The following TBC1D22A variants were observed in gnomAD, a reference collection of about 807,000 sequenced individuals.
The protein encoded by TBC1D22A is putative GTPase activator.
TBC1D22A carries 38 observed loss-of-function variants against 60.2 expected under a neutral mutation model. The observed-to-expected ratio is 0.63, with a 90% CI of 0.49 to 0.83. TBC1D22A has a LOEUF of 0.83. Among genes scored for constraint, TBC1D22A ranks in the 40% least tolerant of loss-of-function variants. The pLI, the probability that TBC1D22A is intolerant of heterozygous loss-of-function variation, is 0.00. For synonymous variants in TBC1D22A, 302 were observed against 281.7 expected (o/e 1.07, Z -0.72); for missense variants, 628 against 701.0 (o/e 0.90, Z 1.18).
At chr22:46,852,174 G>C (rs1275544091) in intron 4 of TBC1D22A, among the ~76,000 whole-genome samples, 6 of 152,228 alleles carry the variant, frequency 3.9e-5, no homozygotes, top group Admixed American at 3.9e-4. Context: ...CAGTGGCCTT[G>C]TATCTGTGTA....
At chr22:46,836,550 G>T (rs574425239) in intron 4 of TBC1D22A, among the ~76,000 whole-genome samples, 1 of 150,218 alleles carries the variant, frequency 6.7e-6, no homozygotes, top group East Asian at 1.9e-4. Context: ...AACAGAAGAC[G>T]GCAAGAGAGG....
intron 8 of TBC1D22A, among the ~76,000 whole-genome samples, chr22:46,935,376 A>G (rs1028051939): frequency 9.9e-5 from 15 of 152,230 alleles, no homozygotes; most frequent in African/African-American, 3.6e-4. Flanking sequence ...TGAGTCAAAA[A>G]AATTATAATC....
chr22:46,899,541 A>T (rs6009037), intron 7 of TBC1D22A, among the ~76,000 whole-genome samples: 17,214 of 152,144 alleles, frequency 0.11, 1,605 homozygotes, highest in African/African-American at 0.26. Flanking sequence ...ATTTCAATAC[A>T]TCTGCAAGTG....
At chr22:47,098,575 C>T (rs1237024197) in intron 11 of TBC1D22A, among the ~76,000 whole-genome samples, 4 of 151,636 alleles carry the variant, frequency 2.6e-5, no homozygotes, top group African/African-American at 9.7e-5. Flanking sequence ...CTCCATGTAC[C>T]AGGTTGCCCT....
intron 8 of TBC1D22A, among the ~76,000 whole-genome samples, chr22:46,942,863 T>A (rs1183725850): frequency 6.6e-6 from 1 of 152,254 alleles, no homozygotes; most frequent in African/African-American, 2.4e-5. Flanking sequence ...GAGGAAAAGA[T>A]GAAGTATCTG....
intron 10 of TBC1D22A, 72 bp downstream of exon 10, chr22:46,997,781 G>T: frequency 3.5e-6 from 5 of 1,422,184 alleles, no homozygotes; most frequent in Non-Finnish European, 4.0e-6. Flanking sequence ...GTGGGACAGG[G>T]AGCTGTCCTC....
At chr22:46,981,251 G>A (rs527417850) in intron 9 of TBC1D22A, among the ~76,000 whole-genome samples, 4 of 152,326 alleles carry the variant, frequency 2.6e-5, no homozygotes, top group African/African-American at 9.6e-5. Flanking sequence ...GATGGGAGAG[G>A]GGTGGTGGTT....
intron 8 of TBC1D22A, among the ~76,000 whole-genome samples, chr22:46,940,683 A>G (rs547249785): frequency 2.1e-5 from 3 of 144,938 alleles, no homozygotes; most frequent in African/African-American, 5.2e-5. Context: ...CCGGGGCACT[A>G]GAATATATAT....
intron 12 of TBC1D22A, among the ~76,000 whole-genome samples, chr22:47,138,240 A>G (rs1401235500): frequency 6.6e-6 from 1 of 152,222 alleles, no homozygotes; most frequent in East Asian, 1.9e-4. Flanking sequence ...TCTGTGCCCC[A>G]GCCTCTTTGC....
intron 11 of TBC1D22A, 122 bp from the exon 12 acceptor site, chr22:47,111,386 A>G (rs939409191): frequency 8.7e-6 from 7 of 800,564 alleles, no homozygotes; most frequent in Non-Finnish European, 1.4e-5. Flanking sequence ...AAGTGAGTCA[A>G]CACAAGCTTT....
intron 8 of TBC1D22A, among the ~76,000 whole-genome samples, chr22:46,951,117 G>A (rs918399858): frequency 2.6e-5 from 4 of 152,140 alleles, no homozygotes; most frequent in Non-Finnish European, 2.9e-5. Flanking sequence ...CTTCTTTGCC[G>A]TAGACTCTCC....
intron 10 of TBC1D22A, among the ~76,000 whole-genome samples, chr22:47,007,252 G>C (rs1183638035): frequency 6.6e-6 from 1 of 152,212 alleles, no homozygotes; most frequent in Non-Finnish European, 1.5e-5. Flanking sequence ...TGGGTTGGTA[G>C]TGTGCCACAG....
chr22:46,912,214 G>A (rs780434178), intron 8 of TBC1D22A, 26 bp downstream of exon 8: 40 of 1,514,322 alleles, frequency 2.6e-5, no homozygotes, highest in Admixed American at 3.4e-5. Flanking sequence ...AACATTAAAC[G>A]TGAACTTTAG....
At chr22:46,812,683 A>G (rs2147045007) in intron 4 of TBC1D22A, among the ~76,000 whole-genome samples, 1 of 152,276 alleles carries the variant, frequency 6.6e-6, no homozygotes, top group Non-Finnish European at 1.5e-5. Context: ...GTTTAGCGAA[A>G]ATGGATTTTA....
At chr22:46,970,059 T>C (rs887514615) in intron 8 of TBC1D22A, among the ~76,000 whole-genome samples, 1 of 152,110 alleles carries the variant, frequency 6.6e-6, no homozygotes, top group Non-Finnish European at 1.5e-5. Context: ...TGAGGTTGTA[T>C]ACATCTCCCC....
At chr22:47,052,616 C>T (rs2063262415) in intron 11 of TBC1D22A, among the ~76,000 whole-genome samples, 2 of 152,186 alleles carry the variant, frequency 1.3e-5, no homozygotes, top group Non-Finnish European at 2.9e-5. Flanking sequence ...CGGGGATGGC[C>T]CTGTGCTTGC....
chr22:47,139,148 A>T (rs1474394051), intron 12 of TBC1D22A, among the ~76,000 whole-genome samples: 1 of 152,156 alleles, frequency 6.6e-6, no homozygotes, highest in African/African-American at 2.4e-5. Context: ...CGGGAGGGTG[A>T]CGTCATGTGC....
intron 11 of TBC1D22A, among the ~76,000 whole-genome samples, chr22:47,075,774 C>G (rs2064180066): frequency 6.6e-6 from 1 of 151,862 alleles, no homozygotes; most frequent in South Asian, 2.1e-4. Flanking sequence ...AAACTAAAAT[C>G]CAACTATGTG....
At chr22:46,920,885 C>T (rs1210711461) in intron 8 of TBC1D22A, among the ~76,000 whole-genome samples, 1 of 151,554 alleles carries the variant, frequency 6.6e-6, no homozygotes, top group Non-Finnish European at 1.5e-5. Flanking sequence ...ATTCTCCTGT[C>T]TTAGCCTCCT....
Sources: gnomAD v4.1 joint callset for allele counts (sites outside exome capture counted in the v4.1 genomes callset) on GRCh38, gnomAD v4.1.1 for gene constraint, MANE v1.5 for transcripts, NCBI Gene and HGNC (gene_info 2026-07-23, HGNC 2026-07-21) for gene names.